Variants in EBF1 observed in about 807,000 individuals in gnomAD.
The protein encoded by EBF1 is transcription factor COE1.
In EBF1, 10 loss-of-function variants were observed where a neutral mutation model predicts 68.4. The ratio of observed to expected loss-of-function variants is 0.15; its 90% CI spans 0.09 to 0.25. The LOEUF is 0.25. Among genes scored for constraint, EBF1 ranks in the 10% least tolerant of loss-of-function variants. The probability of loss-of-function intolerance (pLI) is 1.00; values close to 1 mark genes in which losing one functional copy is unlikely to be tolerated. For missense variants in EBF1, 509 were observed against 794.4 expected (o/e 0.64, Z 4.32); for synonymous variants, 298 against 299.8 (o/e 0.99, Z 0.06).
At chr5:158,822,124 T>C (rs886964677) in intron 8 of EBF1, among the ~76,000 whole-genome samples, 1 of 152,144 alleles carries the variant, frequency 6.6e-6, no homozygotes, top group African/African-American at 2.4e-5. Flanking sequence ...GGTAGTGTTC[T>C]GAAAAGAATC....
intron 11 of EBF1, among the ~76,000 whole-genome samples, chr5:158,728,314 CA>C (rs35240521): frequency 1.3e-5 from 2 of 152,164 alleles, no homozygotes; most frequent in Non-Finnish European, 2.9e-5. Flanking sequence ...CCTTAACACA[CA>C]AATCCATTGT....
chr5:158,784,872 CCATT>C (rs1259931201), intron 9 of EBF1, among the ~76,000 whole-genome samples: 2 of 152,066 alleles, frequency 1.3e-5, no homozygotes, highest in African/African-American at 4.8e-5. Flanking sequence ...GCATGCTAGC[CCATT>C]CACTCATTGA....
chr5:159,049,267 G>A (rs1241657694), intron 6 of EBF1, among the ~76,000 whole-genome samples: 1 of 152,208 alleles, frequency 6.6e-6, no homozygotes, highest in African/African-American at 2.4e-5. Flanking sequence ...AATGATGTAT[G>A]ATTTCCACTC....
intron 6 of EBF1, among the ~76,000 whole-genome samples, chr5:158,914,255 G>A (rs1293227055): frequency 6.6e-6 from 1 of 152,116 alleles, no homozygotes; most frequent in African/African-American, 2.4e-5. Context: ...CCCGAGACCT[G>A]GATCAGGGAA....
chr5:158,984,618 T>C (rs749290553), intron 6 of EBF1: 5 of 151,850 alleles, frequency 3.3e-5, no homozygotes, highest in Non-Finnish European at 7.4e-5. Context: ...CCAATCTCCA[T>C]GTTTAGCAGA....
chr5:158,995,995 A>G (rs184809160), intron 6 of EBF1, among the ~76,000 whole-genome samples: 5 of 152,304 alleles, frequency 3.3e-5, no homozygotes, highest in Admixed American at 6.5e-5. Flanking sequence ...AGACTCCCTG[A>G]GGATCTCGGC....
intron 4 of EBF1, among the ~76,000 whole-genome samples, chr5:159,089,051 A>G (rs1222539753): frequency 6.6e-6 from 1 of 152,158 alleles, no homozygotes; most frequent in Non-Finnish European, 1.5e-5. Context: ...CAAGCTGTCA[A>G]AAGTGGATAT....
intron 4 of EBF1, among the ~76,000 whole-genome samples, chr5:159,090,068 A>T (rs1280685392): frequency 6.6e-6 from 1 of 152,096 alleles, no homozygotes; most frequent in African/African-American, 2.4e-5. Context: ...ATGAATGCAC[A>T]AAGTACCTGC....
chr5:159,070,150 A>G (rs1349166280), intron 6 of EBF1, among the ~76,000 whole-genome samples: 1 of 152,154 alleles, frequency 6.6e-6, no homozygotes, highest in Non-Finnish European at 1.5e-5. Context: ...GACTTTTCCC[A>G]TGTCTATGCA....
At chr5:158,933,132 C>T (rs912647642) in intron 6 of EBF1, among the ~76,000 whole-genome samples, 2 of 151,390 alleles carry the variant, frequency 1.3e-5, no homozygotes, top group Admixed American at 6.6e-5. Context: ...TACATACATA[C>T]GGGGTATCAC....
intron 6 of EBF1, among the ~76,000 whole-genome samples, chr5:158,890,249 A>T (rs868124078): frequency 6.6e-6 from 1 of 152,250 alleles, no homozygotes; most frequent in African/African-American, 2.4e-5. Context: ...TTAATTTTTT[A>T]AAAATGTTTA....
intron 6 of EBF1, among the ~76,000 whole-genome samples, chr5:158,868,480 T>C (rs878908553): frequency 2.0e-5 from 3 of 152,248 alleles, no homozygotes; most frequent in Non-Finnish European, 4.4e-5. Context: ...GTTTGTTTTT[T>C]TCTGGGATCT....
chr5:158,735,208 G>T (rs958871241), intron 10 of EBF1, among the ~76,000 whole-genome samples: 3 of 152,116 alleles, frequency 2.0e-5, no homozygotes, highest in African/African-American at 7.2e-5. Flanking sequence ...TACTTGCAGA[G>T]CTGGGATGCA....
intron 6 of EBF1, among the ~76,000 whole-genome samples, chr5:159,058,063 G>C (rs1447586733): frequency 6.6e-6 from 1 of 152,196 alleles, no homozygotes; most frequent in Non-Finnish European, 1.5e-5. Flanking sequence ...ATGAGATTCT[G>C]ACAGTGGAAT....
chr5:158,800,893 G>A (rs1473308576), intron 8 of EBF1, among the ~76,000 whole-genome samples: 4 of 152,152 alleles, frequency 2.6e-5, no homozygotes, highest in Non-Finnish European at 5.9e-5. Flanking sequence ...TGGGGGCGGT[G>A]TTTGAATACA....
At chr5:159,019,393 T>C (rs1010508956) in intron 6 of EBF1, among the ~76,000 whole-genome samples, 6 of 152,210 alleles carry the variant, frequency 3.9e-5, no homozygotes, top group Non-Finnish European at 7.3e-5. Context: ...ATCCTAGACT[T>C]TCTGTGTATA....
chr5:158,705,764 G>C (rs750188646), intron 15 of EBF1, among the ~76,000 whole-genome samples: 1 of 152,146 alleles, frequency 6.6e-6, no homozygotes, highest in Non-Finnish European at 1.5e-5. Context: ...AGGACCACAG[G>C]GCATGAGAAG....
chr5:159,049,834 G>T (rs1404710403), intron 6 of EBF1, among the ~76,000 whole-genome samples: 1 of 152,180 alleles, frequency 6.6e-6, no homozygotes, highest in African/African-American at 2.4e-5. Context: ...GTTCTTGGGA[G>T]GGGTGCTTAT....
chr5:158,850,744 C>T (rs191342407), intron 6 of EBF1, among the ~76,000 whole-genome samples: 4 of 152,278 alleles, frequency 2.6e-5, no homozygotes, highest in African/African-American at 4.8e-5. Context: ...TGGTGACTCA[C>T]GCCTGTAATC....
Sources: allele counts gnomAD v4.1 joint callset (sites outside exome capture counted in the v4.1 genomes callset), GRCh38; gene constraint gnomAD v4.1.1; transcripts MANE v1.5; gene names NCBI Gene and HGNC (gene_info 2026-07-23, HGNC 2026-07-21).